Variants in TMEM79 observed in about 807,000 individuals in gnomAD.
TMEM79 encodes mattrin.
TMEM79 carries 30 observed loss-of-function variants against 31.2 expected under a neutral mutation model. The observed-to-expected ratio is 0.96, with a 90% CI of 0.72 to 1.30. The LOEUF is 1.30. Among genes scored for constraint, TMEM79 ranks in the 50% most tolerant of loss-of-function variants. The pLI, the probability that TMEM79 is intolerant of heterozygous loss-of-function variation, is 0.00. For missense variants in TMEM79, 509 were observed against 528.2 expected, an observed-to-expected ratio of 0.96 and a Z score of 0.36; for synonymous variants, 213 against 229.5, an observed-to-expected ratio of 0.93 and a Z score of 0.65.
upstream of TMEM79, among the ~76,000 whole-genome samples, chr1:156,283,531 C>A (rs1353689701): frequency 6.6e-6 from 1 of 150,576 alleles, no homozygotes; most frequent in Admixed American, 6.6e-5. Flanking sequence ...ATCTCCTAAT[C>A]CTCACATTGG....
intron 3 of TMEM79, chr1:156,291,056 C>G (rs1413783248): frequency 3.3e-6 from 1 of 303,418 alleles, no homozygotes; most frequent in Non-Finnish European, 6.3e-6. Context: ...GAGAGAATCA[C>G]TCAAGGCCAG....
At chr1:156,283,054 G>T (rs1429406986), upstream of TMEM79, 4 of 440,578 alleles carry the variant, frequency 9.1e-6, no homozygotes, top group South Asian at 5.3e-5. Flanking sequence ...AAGCTTAACT[G>T]GATCAGGGCA....
At position 156,285,524 on chromosome 1, in the gene TMEM79, G is replaced by C; in HGVS notation, c.298G>C (p.Glu100Gln). The change falls in exon 2 of 4, where the codon GAG (glutamate) becomes CAG (glutamine). Residue 100 changes from glutamate (E) to glutamine (Q), a missense_variant. By Grantham distance (29) the Glu-to-Gln change is conservative (BLOSUM62 2). Coordinates refer to ENST00000405535, the MANE Select transcript of TMEM79 (RefSeq NM_032323.3). The part of the protein sequence containing the change: ...DPPGWRDIEP[E>Q]PPESEPLTKL... ...CCCTGGCTGGCGGGACATTGAACCA[G>C]AGCCCCCTGAGTCAGAACCACTTAC... 6.2e-7 allele frequency: 1 copy of C among 1,614,186 alleles called. No homozygotes were observed. The highest frequency in any genetic ancestry group is 8.5e-7 in the Non-Finnish European group (1 of 1,180,042).
Position 156,285,396 on chromosome 1 carries a change from C to T in TMEM79, c.170C>T (p.Thr57Ile). The T allele has an allele frequency of 1.9e-6, 3 of 1,593,586 alleles. No individual in the cohort carries two copies. The highest frequency in any genetic ancestry group is 1.1e-5 in the South Asian group (1 of 88,424). The change falls in exon 2 of 4, where the codon ACA becomes ATA. Residue 57 changes from threonine to isoleucine, a missense_variant. Transcript: ENST00000405535. ...GTGGGGTCTTCAGCTGGATCTCCCA[C>T]AGCCATAGAGGGGGCTGAGGATGGT... ...LRVGSSAGSP[T>I]AIEGAEDGLD... is the part of the protein sequence containing the mutation.
chr1:156,291,276 C>T (rs1663317554), intron 3 of TMEM79, 109 bp from the exon 4 acceptor site: 1 of 936,740 alleles, frequency 1.1e-6, no homozygotes, highest in Admixed American at 2.0e-5. Flanking sequence ...CCAGCCATAC[C>T]CACCAACTGC....
chr1:156,289,863 G>A (rs1663267717), intron 3 of TMEM79, among the ~76,000 whole-genome samples: 1 of 152,170 alleles, frequency 6.6e-6, no homozygotes, highest in African/African-American at 2.4e-5. Flanking sequence ...CGAAATCTGT[G>A]GCTGACCCAT....
intron 3 of TMEM79, among the ~76,000 whole-genome samples, chr1:156,287,387 G>C (rs1373427776): frequency 6.6e-6 from 1 of 152,140 alleles, no homozygotes; most frequent in Non-Finnish European, 1.5e-5. Flanking sequence ...TTGCACTCCA[G>C]CCTGGGTGAC....
At chr1:156,286,170 C>T (rs1255360723) in intron 2 of TMEM79, 90 bp from the exon 3 acceptor site, 35 of 1,425,700 alleles carry the variant, frequency 2.5e-5, no homozygotes, top group South Asian at 1.0e-4. Context: ...AGCCCATGCA[C>T]TGCCCACAGT....
intron 3 of TMEM79, among the ~76,000 whole-genome samples, chr1:156,287,370 C>G (rs1199853632): frequency 6.6e-6 from 1 of 152,026 alleles, no homozygotes; most frequent in Non-Finnish European, 1.5e-5. Context: ...GAGCCAAGAT[C>G]GCGCCATTGC....
chr1:156,286,396 G>A lies in TMEM79; in HGVS notation c.894G>A (p.Leu298=). 6.2e-7 allele frequency: 1 copy of A among 1,614,184 alleles called. No homozygotes were observed. The highest frequency in any genetic ancestry group is 8.5e-7 in the Non-Finnish European group (1 of 1,180,040). ...TCTTTATTCTCTACTTCTTCAACCT[G>A]GCCGTGCTTTCCACTTACCTGCCCC... is the stretch of plus-strand genomic sequence containing the variant. ...VQLFILYFFN[L]AVLSTYLPQD... is the part of the protein sequence containing the mutation. Residue 298 remains leucine (L), a synonymous_variant, in exon 3 of 4, where the codon CTG becomes CTA. Coordinates refer to ENST00000405535, the MANE Select transcript of TMEM79 (RefSeq NM_032323.3).
intron 3 of TMEM79, 91 bp from the exon 4 acceptor site, chr1:156,291,294 T>C: frequency 8.5e-7 from 1 of 1,178,600 alleles, no homozygotes; most frequent in Non-Finnish European, 1.2e-6. Context: ...TGCATCTGCC[T>C]CCCCTATCTA....
In TMEM79 at chr1:156,285,975, T is replaced by C. The variant is rs1663148117; in HGVS notation, c.749T>C (p.Ile250Thr). 1.2e-6 allele frequency: 2 copies of C among 1,603,858 alleles called. No homozygotes were observed. Among genetic ancestry groups the C allele is most frequent in the African/African-American group, 1.3e-5 (1 of 74,828 alleles). ...LRCGVFATFP[I>T]VLGILVYGLS... ...TGCGGGGTCTTTGCCACCTTCCCCA[T>C]TGTGCTGGGTGAGCCTGTGAGAAGA... Residue 250 changes from isoleucine to threonine, a missense_variant, in exon 2 of 4, where the codon ATT becomes ACT. Coordinates refer to ENST00000405535, the MANE Select transcript of TMEM79 (RefSeq NM_032323.3).
At chr1:156,286,181 G>C in intron 2 of TMEM79, 79 bp from the exon 3 acceptor site, 1 of 1,474,666 alleles carries the variant, frequency 6.8e-7, no homozygotes, top group Non-Finnish European at 9.4e-7. Flanking sequence ...TGCCCACAGT[G>C]AATCTGCCCC....
intron 3 of TMEM79, among the ~76,000 whole-genome samples, chr1:156,287,567 A>G (rs1663203231): frequency 6.6e-6 from 1 of 150,642 alleles, no homozygotes; most frequent in Non-Finnish European, 1.5e-5. Flanking sequence ...ATACAAACCA[A>G]GGATGTGTGA....
At position 156,286,359 on chromosome 1, in the gene TMEM79, A is replaced by G. The variant is rs754938253; in HGVS notation, c.857A>G (p.Gln286Arg). Residue 286 changes from glutamine (Q) to arginine (R), a missense_variant, in exon 3 of 4, where the codon CAG (glutamine) becomes CGG (arginine). Physicochemically the swap from Gln to Arg is conservative, Grantham distance 43 (BLOSUM62 1). Coordinates refer to ENST00000405535, the MANE Select transcript of TMEM79 (RefSeq NM_032323.3). ...GAGATCCACCGGCGATATGTGGCCCAGTCGGTCCAGCTCTTTATTCTCTAC... is the reference window on the plus strand; with the variant it reads ...GAGATCCACCGGCGATATGTGGCCCGGTCGGTCCAGCTCTTTATTCTCTAC... ...EVEIHRRYVA[Q>R]SVQLFILYFF... The G allele has an allele frequency of 1.4e-5, 22 of 1,614,072 alleles. No homozygotes were observed. Among genetic ancestry groups the G allele is most frequent in the African/African-American group, 4.0e-5 (3 of 74,916 alleles).
At position 156,292,023 on chromosome 1, in the gene TMEM79, A is replaced by C. The variant is rs1663354851; in HGVS notation, c.*425A>C. 1 of 384,002 alleles carries C rather than the reference A, an allele frequency of 2.6e-6. No individual in the cohort carries two copies. The highest frequency in any genetic ancestry group is 4.8e-5 in the South Asian group (1 of 20,650). The allele number at this position is 384,002 out of a possible 1,614,324, so 23.8% of individuals were successfully genotyped here. ...CCAAGGCCCTGACCACTTCTGTGCCAGTTGTCTAAGCAGAGCGCCTCAGGG... is the reference window on the plus strand; with the variant it reads ...CCAAGGCCCTGACCACTTCTGTGCCCGTTGTCTAAGCAGAGCGCCTCAGGG... On this transcript the variant is annotated 3_prime_UTR_variant, in exon 4 of 4. Transcript: ENST00000405535.
chr1:156,285,632 T>C lies in TMEM79; in HGVS notation c.406T>C (p.Cys136Arg), dbSNP rs550866867. 5.5e-5 allele frequency: 88 copies of C among 1,613,934 alleles called. 1 individual carries two copies. The South Asian group carries it at 6.5e-4, about 12-fold the overall frequency. ...TGCCTTCGTGCCTATTGACCTACAG[T>C]GCATTGAGCGGCAGCCCCAAGAAGA... ...ARAFVPIDLQ[C>R]IERQPQEDLI... The change falls in exon 2 of 4, where the codon TGC becomes CGC. Residue 136 changes from cysteine to arginine, a missense_variant. Cys to Arg is a radical substitution (Grantham distance 180). Coordinates refer to ENST00000405535, the MANE Select transcript of TMEM79 (RefSeq NM_032323.3).
chr1:156,286,011 C>T (rs576064531), intron 2 of TMEM79, 28 bp downstream of exon 2: 4 of 1,577,908 alleles, frequency 2.5e-6, no homozygotes, highest in South Asian at 1.2e-5. Flanking sequence ...AAGGGGGCAT[C>T]GGGAAGTGGA....
chr1:156,284,740 G>T (rs1283860121), intron 1 of TMEM79, among the ~76,000 whole-genome samples: 1 of 152,208 alleles, frequency 6.6e-6, no homozygotes, highest in Non-Finnish European at 1.5e-5. Flanking sequence ...AAGCAGGGAT[G>T]TGTAGGGATG....
Sources: allele counts gnomAD v4.1 joint callset (sites outside exome capture counted in the v4.1 genomes callset), GRCh38; gene constraint gnomAD v4.1.1; transcripts MANE v1.5; gene names NCBI Gene and HGNC (gene_info 2026-07-23, HGNC 2026-07-21).